The following DLG1 variants were observed in gnomAD, a reference collection of about 807,000 sequenced individuals.
DLG1 encodes disks large homolog 1.
A neutral mutation model predicts 123.4 loss-of-function variants in DLG1; 42 were observed. The ratio of observed to expected loss-of-function variants is 0.34; its 90% CI spans 0.27 to 0.44. The LOEUF is 0.44. Ranked by LOEUF, DLG1 falls within the 20% of genes least tolerant of loss-of-function variation. DLG1 has a pLI of 1.00. For synonymous variants in DLG1, 317 were observed against 356.2 expected, an observed-to-expected ratio of 0.89 and a Z score of 1.24; for missense variants, 942 against 1,082.6, an observed-to-expected ratio of 0.87 and a Z score of 1.82.
At chr3:197,135,680 GGTAA>G (rs1373488638) in intron 10 of DLG1, among the ~76,000 whole-genome samples, 1 of 152,048 alleles carries the variant, frequency 6.6e-6, no homozygotes, top group African/African-American at 2.4e-5. Flanking sequence ...CAATGATATG[GGTAA>G]GTCTCAGTAA....
intron 15 of DLG1, among the ~76,000 whole-genome samples, chr3:197,090,562 T>C (rs1560589871): frequency 6.6e-6 from 1 of 152,022 alleles, no homozygotes; most frequent in Non-Finnish European, 1.5e-5. Context: ...GAATGGAAAA[T>C]ATATTAGAAA....
intron 4 of DLG1, among the ~76,000 whole-genome samples, chr3:197,225,430 C>T (rs1022742731): frequency 1.3e-5 from 2 of 152,136 alleles, no homozygotes; most frequent in African/African-American, 4.8e-5. Context: ...TTCCTCTATA[C>T]AATCTAAATA....
chr3:197,188,070 T>C (rs962621750), intron 5 of DLG1, among the ~76,000 whole-genome samples: 3 of 152,112 alleles, frequency 2.0e-5, no homozygotes, highest in African/African-American at 4.8e-5. Flanking sequence ...ATCTAATAGA[T>C]TAATTCACGG....
intron 4 of DLG1, among the ~76,000 whole-genome samples, chr3:197,209,391 C>G (rs988851490): frequency 6.2e-5 from 9 of 146,280 alleles, no homozygotes; most frequent in South Asian, 2.6e-4. Flanking sequence ...AATACATAAG[C>G]AAAACCAACA....
chr3:197,236,978 T>C (rs992922564), intron 4 of DLG1, among the ~76,000 whole-genome samples: 3 of 152,272 alleles, frequency 2.0e-5, no homozygotes, highest in African/African-American at 4.8e-5. Context: ...AGTCATTTAA[T>C]TGACTAAAAT....
At chr3:197,278,432 C>T (rs1292778894) in intron 4 of DLG1, among the ~76,000 whole-genome samples, 1 of 151,436 alleles carries the variant, frequency 6.6e-6, no homozygotes, top group African/African-American at 2.4e-5. Flanking sequence ...GATCGCACCA[C>T]TGCACTTCAG....
chr3:197,068,767 C>T (rs1578463499), intron 19 of DLG1, among the ~76,000 whole-genome samples: 2 of 152,082 alleles, frequency 1.3e-5, no homozygotes, highest in Middle Eastern at 3.4e-3. Context: ...TTATTTCTTC[C>T]GTTCACCAAG....
upstream of DLG1, chr3:197,298,724 A>G (rs1376973286): frequency 2.5e-5 from 10 of 396,832 alleles, no homozygotes; most frequent in South Asian, 1.3e-3. Flanking sequence ...AGGGGTGCCA[A>G]CTCTGCATTG....
chr3:197,159,583 C>T (rs1797956181), intron 5 of DLG1, among the ~76,000 whole-genome samples: 1 of 152,096 alleles, frequency 6.6e-6, no homozygotes. Context: ...TACATATTCA[C>T]TTAATATGTT....
chr3:197,152,738 G>C (rs1439536115), intron 5 of DLG1, among the ~76,000 whole-genome samples: 1 of 138,122 alleles, frequency 7.2e-6, no homozygotes, highest in Admixed American at 7.9e-5. Context: ...ACTCCAGCCT[G>C]GGCAACAGAG....
At chr3:197,107,878 AC>A (rs143616567) in intron 13 of DLG1, among the ~76,000 whole-genome samples, 1,612 of 151,248 alleles carry the variant, frequency 0.011, 30 homozygotes, top group African/African-American at 0.037. Flanking sequence ...AAGAGCAGAT[AC>A]CCTTGTCTTG....
chr3:197,141,461 C>T (rs917058699), intron 7 of DLG1, among the ~76,000 whole-genome samples: 11 of 152,182 alleles, frequency 7.2e-5, no homozygotes, highest in Non-Finnish European at 5.9e-5. Context: ...AATATTACTC[C>T]AGTAGCCACC....
At chr3:197,271,479 AAATT>A (rs1763896933) in intron 4 of DLG1, among the ~76,000 whole-genome samples, 1 of 151,688 alleles carries the variant, frequency 6.6e-6, no homozygotes, top group South Asian at 2.1e-4. Flanking sequence ...CTCTCTAAAT[AAATT>A]AATAGCACCT....
chr3:197,133,660 C>T (rs1018530941), intron 10 of DLG1, among the ~76,000 whole-genome samples: 3 of 152,082 alleles, frequency 2.0e-5, no homozygotes, highest in Non-Finnish European at 4.4e-5. Context: ...GAAACAGTGA[C>T]CTTGGGAGTG....
intron 4 of DLG1, among the ~76,000 whole-genome samples, chr3:197,196,767 T>C (rs115158283): frequency 2.0e-5 from 3 of 152,242 alleles, no homozygotes; most frequent in Non-Finnish European, 4.4e-5. Flanking sequence ...ACATAGATAA[T>C]TGAATGAGGA....
At chr3:197,166,899 A>T (rs977536281) in intron 5 of DLG1, among the ~76,000 whole-genome samples, 4 of 151,376 alleles carry the variant, frequency 2.6e-5, no homozygotes, top group African/African-American at 9.8e-5. Context: ...TCTCGGGGGG[A>T]AAAAAACCAC....
At chr3:197,070,444 C>G (rs977632612) in intron 18 of DLG1, 3 of 150,332 alleles carry the variant, frequency 2.0e-5, no homozygotes. Flanking sequence ...ATAAAAGAGA[C>G]AAGTCTCAAC....
chr3:197,194,634 G>GT (rs1392465219), intron 4 of DLG1, 45 bp from the exon 5 acceptor site: 3 of 1,400,022 alleles, frequency 2.1e-6, no homozygotes, highest in Non-Finnish European at 2.9e-6. Flanking sequence ...AGCAACATGA[G>GT]TTTAATTCAA....
chr3:197,145,423 TTACTC>T (rs1377959198), intron 6 of DLG1, among the ~76,000 whole-genome samples: 1 of 152,218 alleles, frequency 6.6e-6, no homozygotes, highest in Non-Finnish European at 1.5e-5. Flanking sequence ...CAATTTATGC[TTACTC>T]TATTCTATTT....
Sources: allele counts gnomAD v4.1 joint callset (sites outside exome capture counted in the v4.1 genomes callset), GRCh38; gene constraint gnomAD v4.1.1; transcripts MANE v1.5; gene names NCBI Gene and HGNC (gene_info 2026-07-23, HGNC 2026-07-21).